The following USP34 variants were observed in gnomAD, a reference collection of about 807,000 sequenced individuals.
The protein encoded by USP34 is ubiquitin specific peptidase 34, also known as ubiquitin carboxyl-terminal hydrolase 34.
In USP34, 70 loss-of-function variants were observed where a neutral mutation model predicts 460.3. That is an observed-to-expected ratio of 0.15 (90% CI 0.13 to 0.19). The LOEUF is 0.19. Among genes scored for constraint, USP34 ranks in the 10% least tolerant of loss-of-function variants. The pLI, the probability that USP34 is intolerant of heterozygous loss-of-function variation, is 1.00. For missense variants in USP34, 3,985 were observed against 4,236.2 expected, an observed-to-expected ratio of 0.94 and a Z score of 1.65; for synonymous variants, 1,647 against 1,405.3, an observed-to-expected ratio of 1.17 and a Z score of -3.85.
At chr2:61,256,301 C>T (rs1688723527) in intron 48 of USP34, 83 bp downstream of exon 48, 1 of 1,278,706 alleles carries the variant, frequency 7.8e-7, no homozygotes, top group Non-Finnish European at 1.1e-6. Flanking sequence ...ATAATTTCCA[C>T]CAAAGTTTAA....
rs780789038 is a variant in USP34, at chr2:61,229,556, C to T, written c.7191G>A (p.Met2397Ile). Residue 2397 changes from methionine to isoleucine, a missense_variant, in exon 59 of 80, where the codon ATG (methionine) becomes ATA (isoleucine). Met to Ile is a conservative substitution (Grantham distance 10). Transcript: ENST00000398571. ...CAAAAAGTACTTCTTACCCATCTTC[C>T]ATTCCTGGCTGCAAATAGAGATGAG... The part of the protein sequence containing the change: ...VHAHLYLQPG[M>I]EDGSDDMDTS... The T allele has an allele frequency of 1.2e-6, 2 of 1,608,584 alleles. No homozygotes were observed. Among genetic ancestry groups the T allele is most frequent in the Admixed American group, 3.4e-5 (2 of 59,450 alleles).
At chr2:61,366,461 G>A (rs902577226) in intron 10 of USP34, among the ~76,000 whole-genome samples, 11 of 152,088 alleles carry the variant, frequency 7.2e-5, no homozygotes, top group African/African-American at 2.7e-4. Context: ...AGAAAAACAC[G>A]AGCAGCCAAC....
chr2:61,458,454 G>A (rs770289120), intron 1 of USP34, among the ~76,000 whole-genome samples: 9 of 151,296 alleles, frequency 5.9e-5, no homozygotes, highest in Non-Finnish European at 8.8e-5. Context: ...CCAGCTACTC[G>A]GGAGGCTGAG....
chr2:61,432,458 CAG>C (rs1449989581), intron 1 of USP34, among the ~76,000 whole-genome samples: 1 of 152,088 alleles, frequency 6.6e-6, no homozygotes, highest in Non-Finnish European at 1.5e-5. Context: ...GCCTGGGTGA[CAG>C]AGTGAGACCC....
chr2:61,234,540 T>C (rs1227383073), intron 57 of USP34, among the ~76,000 whole-genome samples: 1 of 152,198 alleles, frequency 6.6e-6, no homozygotes, highest in Non-Finnish European at 1.5e-5. Flanking sequence ...CAGATGATGT[T>C]AAGCATTTTC....
intron 32 of USP34, among the ~76,000 whole-genome samples, chr2:61,294,260 C>T (rs945085530): frequency 5.9e-5 from 9 of 151,584 alleles, no homozygotes; most frequent in Non-Finnish European, 7.4e-5. Context: ...GCAGGAGAAT[C>T]GCGTGAACCT....
intron 49 of USP34, among the ~76,000 whole-genome samples, chr2:61,247,954 A>G (rs1688463213): frequency 6.6e-6 from 1 of 152,142 alleles, no homozygotes; most frequent in Non-Finnish European, 1.5e-5. Flanking sequence ...GAGGAGGCCA[A>G]TGCAGGTGGA....
intron 1 of USP34, among the ~76,000 whole-genome samples, chr2:61,438,639 T>C (rs1694883756): frequency 6.6e-6 from 1 of 151,332 alleles, no homozygotes; most frequent in Admixed American, 6.6e-5. Flanking sequence ...AAAAACACTC[T>C]CAATAAATTA....
At chr2:61,262,361 C>T (rs1404897287) in intron 43 of USP34, among the ~76,000 whole-genome samples, 1 of 152,024 alleles carries the variant, frequency 6.6e-6, no homozygotes, top group East Asian at 1.9e-4. Context: ...TCAGGTAGGA[C>T]ACAACGTCCA....
At chr2:61,337,443 T>C (rs1233330343) in intron 18 of USP34, among the ~76,000 whole-genome samples, 1 of 152,038 alleles carries the variant, frequency 6.6e-6, no homozygotes, top group Non-Finnish European at 1.5e-5. Context: ...AATACGTAGT[T>C]ATGTTATGTT....
rs773560378 is a variant in USP34 at position 61,370,410 on chromosome 2, T to C, written c.1162A>G (p.Ile388Val). 8 of 1,613,974 alleles carry C rather than the reference T, an allele frequency of 5.0e-6. No individual in the cohort carries two copies. In the South Asian group the frequency reaches 8.8e-5, roughly 18 times the overall value. ...IFGPNLHIEI[I>V]KQCQVILNFL... Reference sequence around the variant, plus strand: ...TTCAAAATCACTTGGCACTGTTTGATAATCTGGAAAAGAAAAACTTAATAT... The same window carrying C: ...TTCAAAATCACTTGGCACTGTTTGACAATCTGGAAAAGAAAAACTTAATAT... The change falls in exon 10 of 80, where the codon ATC (isoleucine) becomes GTC (valine). Residue 388 changes from isoleucine to valine, a missense_variant. Physicochemically the swap from Ile to Val is conservative, Grantham distance 29 (BLOSUM62 3). Coordinates refer to ENST00000398571, the MANE Select transcript of USP34 (RefSeq NM_014709.4).
intron 48 of USP34, chr2:61,250,331 GA>G: frequency 5.6e-6 from 1 of 177,022 alleles, no homozygotes; most frequent in Non-Finnish European, 1.2e-5. Context: ...GAGTTAACCA[GA>G]AAATATTCCC....
chr2:61,445,627 G>C (rs1448559500), intron 1 of USP34, among the ~76,000 whole-genome samples: 1 of 151,798 alleles, frequency 6.6e-6, no homozygotes, highest in East Asian at 1.9e-4. Context: ...AGTAAATGTG[G>C]GTAAATCTAA....
At chr2:61,441,722 T>C (rs1041799889) in intron 1 of USP34, among the ~76,000 whole-genome samples, 3 of 148,692 alleles carry the variant, frequency 2.0e-5, no homozygotes, top group Non-Finnish European at 4.4e-5. Context: ...GAGAATCAAC[T>C]GTGCTCAGGT....
At position 61,327,312 on chromosome 2, in the gene USP34, T is replaced by C. The variant is rs142856121; in HGVS notation, c.2931-1855A>G. ...GCCTCATTAATGCTGCACTCACCTT[T>C]GTGAAAGTGAAAATACATATGACGA... is the stretch of plus-strand genomic sequence containing the variant. On this transcript the variant is annotated intron_variant, in intron 20 of 79. Transcript: ENST00000398571. Among the ~76,000 whole-genome samples the C allele has an allele frequency of 2.6e-4, 40 of 152,314 alleles. 1 individual carries two copies. In the East Asian group the frequency reaches 7.3e-3, roughly 28 times the overall value.
intron 59 of USP34, 48 bp downstream of exon 59, chr2:61,229,500 C>G (rs1218090027): frequency 3.9e-6 from 4 of 1,025,120 alleles, no homozygotes; most frequent in South Asian, 1.8e-5. Flanking sequence ...AAAAACACCA[C>G]ACACACACAA....
intron 1 of USP34, among the ~76,000 whole-genome samples, chr2:61,453,394 A>T (rs997365307): frequency 6.6e-6 from 1 of 151,902 alleles, no homozygotes; most frequent in African/African-American, 2.4e-5. Context: ...AGCATAGACG[A>T]CAGAGTAAGA....
chr2:61,364,126 C>A (rs189566199), intron 10 of USP34, among the ~76,000 whole-genome samples: 1 of 152,166 alleles, frequency 6.6e-6, no homozygotes, highest in African/African-American at 2.4e-5. Flanking sequence ...CTAAAATCCC[C>A]GCACTTTGGG....
chr2:61,229,103 A>G (rs1053811754), intron 59 of USP34, 108 bp from the exon 60 acceptor site: 1 of 809,940 alleles, frequency 1.2e-6, no homozygotes, highest in African/African-American at 1.8e-5. Flanking sequence ...TGAGATAATG[A>G]ATATGAACCG....
Sources: gnomAD v4.1 joint callset for allele counts (sites outside exome capture counted in the v4.1 genomes callset) on GRCh38, gnomAD v4.1.1 for gene constraint, MANE v1.5 for transcripts, NCBI Gene and HGNC (gene_info 2026-07-23, HGNC 2026-07-21) for gene names.